Variants in SPON1 observed in about 807,000 individuals in gnomAD.
The protein encoded by SPON1 is spondin-1.
In SPON1, 52 loss-of-function variants were observed where a neutral mutation model predicts 111.7. The observed-to-expected ratio is 0.47, with a 90% CI of 0.37 to 0.59. The LOEUF (loss-of-function observed/expected upper bound fraction) is 0.59. Among genes scored for constraint, SPON1 ranks in the 20% least tolerant of loss-of-function variants. SPON1 has a pLI of 0.00. For synonymous variants in SPON1, 410 were observed against 395.8 expected (o/e 1.04, Z -0.43); for missense variants, 957 against 1,068.5 (o/e 0.90, Z 1.46).
At chr11:14,216,920 G>A (rs1554937197) in intron 6 of SPON1, among the ~76,000 whole-genome samples, 1 of 152,192 alleles carries the variant, frequency 6.6e-6, no homozygotes, top group African/African-American at 2.4e-5. Flanking sequence ...AAATGGTTTA[G>A]CAATCATAAA....
chr11:14,185,020 A>G (rs1198986666), intron 6 of SPON1, among the ~76,000 whole-genome samples: 2 of 152,188 alleles, frequency 1.3e-5, no homozygotes, highest in Non-Finnish European at 2.9e-5. Flanking sequence ...CTCCATTCAT[A>G]CCCAGCTCTC....
At chr11:14,182,134 G>C (rs1554933736) in intron 6 of SPON1, among the ~76,000 whole-genome samples, 4 of 152,106 alleles carry the variant, frequency 2.6e-5, no homozygotes, top group Non-Finnish European at 5.9e-5. Flanking sequence ...CAAATGGAGA[G>C]GGGTCTCTAA....
At chr11:13,970,641 A>G (rs1282643336) in intron 1 of SPON1, among the ~76,000 whole-genome samples, 1 of 151,932 alleles carries the variant, frequency 6.6e-6, no homozygotes, top group African/African-American at 2.4e-5. Flanking sequence ...TGCCAACACT[A>G]TCCTTTGAAT....
chr11:14,027,160 G>A (rs1320928970), intron 2 of SPON1, among the ~76,000 whole-genome samples: 1 of 152,176 alleles, frequency 6.6e-6, no homozygotes, highest in Non-Finnish European at 1.5e-5. Context: ...TGAAGGAATG[G>A]GGTCAGGGGT....
chr11:13,988,878 T>C (rs1848205818), intron 2 of SPON1, among the ~76,000 whole-genome samples: 1 of 152,224 alleles, frequency 6.6e-6, no homozygotes, highest in African/African-American at 2.4e-5. Context: ...TGAACCAGCC[T>C]TGCATCCCAG....
intron 3 of SPON1, among the ~76,000 whole-genome samples, chr11:14,066,933 T>C (rs1416198992): frequency 1.3e-5 from 2 of 152,012 alleles, no homozygotes; most frequent in East Asian, 3.9e-4. Flanking sequence ...CCCAGCACTT[T>C]GAGGGGCCTA....
rs1554908294 is a variant in SPON1, at chr11:13,968,636, AC to A, written c.238+5495del. Among the ~76,000 whole-genome samples the A allele has an allele frequency of 2.0e-5, 3 of 152,184 alleles. 1 individual carries two copies. In the East Asian group the frequency reaches 5.8e-4, roughly 29 times the overall value. Reference sequence around the variant, plus strand: ...TTTCACCCAGCTTGAGCTTATTTCTACTAAACAGCACTGTTTTAAGTTGCTG... The same window carrying A: ...TTTCACCCAGCTTGAGCTTATTTCTATAAACAGCACTGTTTTAAGTTGCTG... On this transcript the variant is annotated intron_variant, in intron 1 of 15. Transcript: ENST00000576479.
chr11:14,263,964 G>A (rs1477136764), intron 15 of SPON1, among the ~76,000 whole-genome samples: 1 of 151,852 alleles, frequency 6.6e-6, no homozygotes, highest in Non-Finnish European at 1.5e-5. Flanking sequence ...GGGAGGCAGA[G>A]GTTGCAGTGA....
chr11:14,202,392 C>T (rs1352920336), intron 6 of SPON1, among the ~76,000 whole-genome samples: 1 of 152,200 alleles, frequency 6.6e-6, no homozygotes, highest in Admixed American at 6.5e-5. Context: ...ACACAAGGAC[C>T]TCCCCATCAT....
intron 3 of SPON1, among the ~76,000 whole-genome samples, chr11:14,072,202 T>A (rs1178876057): frequency 1.3e-5 from 2 of 151,952 alleles, no homozygotes; most frequent in African/African-American, 4.8e-5. Context: ...ATTAAGTGCC[T>A]CCTTAGTGCA....
chr11:14,149,079 T>A (rs561127339), intron 6 of SPON1, among the ~76,000 whole-genome samples: 6 of 152,240 alleles, frequency 3.9e-5, no homozygotes, highest in African/African-American at 1.4e-4. Flanking sequence ...TCCTACTTAT[T>A]TTTTTTAAGT....
chr11:14,242,679 T>A (rs11023160), intron 6 of SPON1, among the ~76,000 whole-genome samples: 37,640 of 152,228 alleles, frequency 0.25, 5,740 homozygotes, highest in East Asian at 0.51. Context: ...TCCTTCAAAA[T>A]GTTAATTATC....
chr11:14,244,473 G>A lies in SPON1; in HGVS notation c.890+1077G>A, dbSNP rs540374890. Among the ~76,000 whole-genome samples, 48 of 150,134 alleles carry A rather than the reference G, an allele frequency of 3.2e-4. 1 individual carries two copies. Among genetic ancestry groups the A allele is most frequent in the Admixed American group, 8.0e-4 (12 of 15,024 alleles). ...TCAGAGGTTGCAGTGAGCTGAGATC[G>A]CACCACTGCACTCCAGCCTGGTGAC... On this transcript the variant is annotated intron_variant, in intron 7 of 15. Transcript: ENST00000576479.
intron 1 of SPON1, among the ~76,000 whole-genome samples, chr11:13,972,237 GT>G (rs1424073187): frequency 6.6e-6 from 1 of 152,160 alleles, no homozygotes; most frequent in Non-Finnish European, 1.5e-5. Context: ...CAGGTCTTGT[GT>G]TTGCTATTTT....
chr11:14,168,196 A>G (rs1227423620), intron 6 of SPON1, among the ~76,000 whole-genome samples: 4 of 152,170 alleles, frequency 2.6e-5, no homozygotes, highest in African/African-American at 9.7e-5. Context: ...AAATTGAACA[A>G]TTTTCAAAAG....
chr11:13,963,499 A>C (rs942204466), intron 1 of SPON1, among the ~76,000 whole-genome samples: 6 of 152,176 alleles, frequency 3.9e-5, no homozygotes, highest in Non-Finnish European at 5.9e-5. Flanking sequence ...CCTTTCTCCA[A>C]ATCGGTCTGG....
At chr11:14,012,359 C>T (rs1249790999) in intron 2 of SPON1, among the ~76,000 whole-genome samples, 9 of 152,306 alleles carry the variant, frequency 5.9e-5, no homozygotes, top group African/African-American at 1.4e-4. Flanking sequence ...GACTGTGCCA[C>T]AGCAGGGCTT....
intron 6 of SPON1, among the ~76,000 whole-genome samples, chr11:14,202,062 T>A (rs1848470544): frequency 6.6e-6 from 1 of 152,240 alleles, no homozygotes; most frequent in African/African-American, 2.4e-5. Context: ...CTCTTTAATA[T>A]GATTTTCTGG....
intron 7 of SPON1, among the ~76,000 whole-genome samples, chr11:14,248,995 C>T (rs1438408328): frequency 1.3e-5 from 2 of 152,176 alleles, no homozygotes; most frequent in Non-Finnish European, 2.9e-5. Flanking sequence ...GTAGAAAATG[C>T]CCAGATTTCC....
Sources: allele counts gnomAD v4.1 joint callset (sites outside exome capture counted in the v4.1 genomes callset), GRCh38; gene constraint gnomAD v4.1.1; transcripts MANE v1.5; gene names NCBI Gene and HGNC (gene_info 2026-07-23, HGNC 2026-07-21).